The following RGS20 variants were observed in gnomAD, a reference collection of about 807,000 sequenced individuals.
The protein encoded by RGS20 is regulator of G protein signaling 20, also known as gz-selective GTPase-activating protein.
In RGS20, 30 loss-of-function variants were observed where a neutral mutation model predicts 33.6. That is an observed-to-expected ratio of 0.89 (90% confidence interval 0.67 to 1.21). The LOEUF is 1.21. Among genes scored for constraint, RGS20 ranks in the 50% most tolerant of loss-of-function variants. The pLI is 0.00. For missense variants in RGS20, 472 were observed against 502.4 expected (o/e 0.94, Z 0.58); for synonymous variants, 208 against 197.9 (o/e 1.05, Z -0.43).
intron 2 of RGS20, among the ~76,000 whole-genome samples, chr8:53,933,247 G>A (rs1384796549): frequency 1.3e-5 from 2 of 152,104 alleles, no homozygotes; most frequent in African/African-American, 4.8e-5. Context: ...GAACAAAACT[G>A]GACAGAGAAT....
In RGS20 at chr8:53,939,493, A is replaced by T. The variant is rs527996368; in HGVS notation, c.511-83A>T. 1.4e-4 allele frequency: 196 copies of T among 1,362,284 alleles called. No homozygotes were observed. In the African/African-American group the frequency reaches 2.7e-3, roughly 19 times the overall value. The allele number at this position is 1,362,284 out of a possible 1,614,324, so 84.4% of individuals were successfully genotyped here. A position where few individuals can be genotyped will look rare whatever the true frequency, so the allele number is the denominator to read the frequency against. ...GTAGTCGCACTGTATCTTTTCAATG[A>T]TCCAAACAGCTGACTCCCTGGGCTT... On this transcript the variant is annotated intron_variant, in intron 2 of 5. Coordinates refer to ENST00000297313, the MANE Select transcript of RGS20 (RefSeq NM_170587.4).
chr8:53,939,511 C>T (rs1814225127), intron 2 of RGS20, 65 bp from the exon 2 acceptor site: 2 of 1,406,098 alleles, frequency 1.4e-6, no homozygotes, highest in Non-Finnish European at 1.9e-6. Flanking sequence ...AGCTGACTCC[C>T]TGGGCTTACG....
At chr8:53,947,059 TATA>T (rs1353331676) in intron 4 of RGS20, among the ~76,000 whole-genome samples, 6 of 147,450 alleles carry the variant, frequency 4.1e-5, no homozygotes, top group Admixed American at 6.8e-5. Context: ...AAGTATATCA[TATA>T]ATTTTATATA....
intron 1 of RGS20, among the ~76,000 whole-genome samples, chr8:53,862,851 G>C (rs1009207623): frequency 3.3e-5 from 5 of 152,188 alleles, no homozygotes; most frequent in Admixed American, 1.3e-4. Context: ...CCAAAAGCCA[G>C]GTTATAGTTC....
At chr8:53,882,103 C>G (rs1189848503) in intron 2 of RGS20, among the ~76,000 whole-genome samples, 1 of 151,994 alleles carries the variant, frequency 6.6e-6, no homozygotes, top group Non-Finnish European at 1.5e-5. Context: ...ACACCCAGCT[C>G]GGGCGGAGGA....
intron 2 of RGS20, among the ~76,000 whole-genome samples, chr8:53,925,982 A>G (rs1813785101): frequency 6.6e-6 from 1 of 152,184 alleles, no homozygotes; most frequent in Admixed American, 6.5e-5. Flanking sequence ...GCACTTCGGA[A>G]GGCTGAGGCA....
rs540035768 is a variant in RGS20 at position 53,880,762 on chromosome 8, C to T, written c.510+1160C>T. 77 of 951,914 alleles carry T rather than the reference C, an allele frequency of 8.1e-5. No individual in the cohort carries two copies. The African/African-American group carries it at 1.3e-3, about 16-fold the overall frequency. The allele number at this position is 951,914 out of a possible 1,614,324, so 59.0% of individuals were successfully genotyped here. A position where few individuals can be genotyped will look rare whatever the true frequency, so the allele number is the denominator to read the frequency against. On this transcript the variant is annotated intron_variant, in intron 2 of 5. Coordinates refer to ENST00000297313, the MANE Select transcript of RGS20 (RefSeq NM_170587.4). ...GGTGGAGGTCGCGCCCCGCGTGGGG[C>T]CTCGGGGGTACCCCTAGCACCCGCG...
At chr8:53,880,955 T>C in intron 2 of RGS20, 1 of 1,568,854 alleles carries the variant, frequency 6.4e-7, no homozygotes, top group East Asian at 2.3e-5. Flanking sequence ...CGGTGAGCAA[T>C]CGCCGACGTA....
At chr8:53,880,885 G>T in intron 2 of RGS20, 1 of 1,482,908 alleles carries the variant, frequency 6.7e-7, no homozygotes, top group South Asian at 1.2e-5. Flanking sequence ...GCAAGGGGAG[G>T]AAGAGGCCGG....
intron 1 of RGS20, among the ~76,000 whole-genome samples, chr8:53,866,756 G>A (rs1350291350): frequency 6.6e-6 from 1 of 152,082 alleles, no homozygotes. Flanking sequence ...GCGCCGTGTA[G>A]GTGCAAAGGC....
chr8:53,879,203 C>T, intron 1 of RGS20: 1 of 1,450,254 alleles, frequency 6.9e-7, no homozygotes, highest in Non-Finnish European at 9.6e-7. Context: ...CCCATCTAAG[C>T]GGCCGGACAC....
At chr8:53,853,659 C>A (rs1421239544) in intron 1 of RGS20, among the ~76,000 whole-genome samples, 1 of 152,128 alleles carries the variant, frequency 6.6e-6, no homozygotes, top group Non-Finnish European at 1.5e-5. Flanking sequence ...TCTGCAGATA[C>A]CATTGAATCC....
intron 1 of RGS20, among the ~76,000 whole-genome samples, chr8:53,875,092 G>A (rs1403069484): frequency 5.9e-5 from 9 of 152,138 alleles, no homozygotes; most frequent in South Asian, 4.1e-4. Context: ...GAGAAAGCTC[G>A]GAGAAGAATA....
At chr8:53,934,571 A>C (rs1814074794) in intron 2 of RGS20, among the ~76,000 whole-genome samples, 3 of 152,238 alleles carry the variant, frequency 2.0e-5, no homozygotes, top group Admixed American at 2.0e-4. Context: ...TATCCTAAAC[A>C]TATATGCACC....
intron 3 of RGS20, chr8:53,945,480 G>A (rs1457845367): frequency 6.6e-6 from 1 of 152,150 alleles, no homozygotes. Flanking sequence ...TTACTGGTGG[G>A]GTTTCTTTTG....
intron 3 of RGS20, 115 bp from the exon 3 acceptor site, chr8:53,946,550 A>G (rs370814589): frequency 7.0e-5 from 63 of 902,202 alleles, no homozygotes; most frequent in Non-Finnish European, 1.1e-4. Context: ...TTTTCCAAGT[A>G]GAGGAAGAAA....
chr8:53,923,678 G>T (rs1406381017), intron 2 of RGS20, among the ~76,000 whole-genome samples: 5 of 152,054 alleles, frequency 3.3e-5, no homozygotes, highest in Non-Finnish European at 7.4e-5. Context: ...CTGGAGAGAG[G>T]GTCTACGTCC....
At chr8:53,942,684 A>C (rs1313632436) in intron 3 of RGS20, among the ~76,000 whole-genome samples, 9 of 152,110 alleles carry the variant, frequency 5.9e-5, no homozygotes, top group African/African-American at 7.2e-5. Flanking sequence ...TATACTAGAA[A>C]AACAAAACTA....
At chr8:53,882,174 G>C (rs1374228819) in intron 2 of RGS20, among the ~76,000 whole-genome samples, 4 of 152,194 alleles carry the variant, frequency 2.6e-5, no homozygotes, top group Non-Finnish European at 4.4e-5. Flanking sequence ...GTTTGCGTGC[G>C]CTGCGGCCCT....
Sources: gnomAD v4.1 joint callset for allele counts (sites outside exome capture counted in the v4.1 genomes callset) on GRCh38, gnomAD v4.1.1 for gene constraint, MANE v1.5 for transcripts, NCBI Gene and HGNC (gene_info 2026-07-23, HGNC 2026-07-21) for gene names.